RIOK1: variants seen among roughly 807,000 people sequenced by gnomAD.
The protein encoded by RIOK1 is serine/threonine-protein kinase RIO1.
In RIOK1, 66 loss-of-function variants were observed where a neutral mutation model predicts 73.5. The ratio of observed to expected loss-of-function variants is 0.90; its 90% CI spans 0.74 to 1.10. RIOK1 has a LOEUF of 1.10. Ranked by LOEUF, RIOK1 falls within the 50% of genes least tolerant of loss-of-function variation. RIOK1 has a pLI of 0.00. For synonymous variants in RIOK1, 224 were observed against 226.8 expected, an observed-to-expected ratio of 0.99 and a Z score of 0.11; for missense variants, 658 against 699.8, an observed-to-expected ratio of 0.94 and a Z score of 0.67.
intron 4 of RIOK1, 25 bp from the exon 5 acceptor site, chr6:7,398,673 A>G (rs775228807): frequency 6.2e-6 from 10 of 1,602,250 alleles, no homozygotes; most frequent in African/African-American, 1.3e-5. Flanking sequence ...GAATGTGTCA[A>G]CTATACGTTT....
chr6:7,400,103 G>T (rs1490931432), intron 5 of RIOK1, among the ~76,000 whole-genome samples: 1 of 152,172 alleles, frequency 6.6e-6, no homozygotes, highest in African/African-American at 2.4e-5. Context: ...ACTGCCTTCT[G>T]TTTGTTAGAG....
chr6:7,413,559 A>G (rs887897770), intron 15 of RIOK1, among the ~76,000 whole-genome samples: 7 of 152,242 alleles, frequency 4.6e-5, no homozygotes, highest in Non-Finnish European at 1.0e-4. Flanking sequence ...TTCTGTGGAA[A>G]GAATTGAATT....
rs569731211 is a variant in RIOK1, at chr6:7,414,002, C to G, written c.1444-236C>G. 1.8e-4 allele frequency among the ~76,000 whole-genome samples: 27 copies of G among 152,296 alleles called. No individual in the cohort carries two copies. The South Asian group carries it at 5.6e-3, about 32-fold the overall frequency. ...AGCTCTGTTGTTGATCTAGGTCACG[C>G]AGTAAAGCCCTGGTTCCTTCATTTG... On this transcript the variant is annotated intron_variant, in intron 15 of 16. Transcript: ENST00000379834.
intron 4 of RIOK1, 31 bp from the exon 5 acceptor site, chr6:7,398,667 G>A: frequency 6.3e-7 from 1 of 1,589,758 alleles, no homozygotes; most frequent in Non-Finnish European, 8.6e-7. Flanking sequence ...AATTTTGAAT[G>A]TGTCAACTAT....
intron 5 of RIOK1, among the ~76,000 whole-genome samples, chr6:7,400,357 T>G (rs565131387): frequency 2.6e-5 from 4 of 152,288 alleles, no homozygotes; most frequent in African/African-American, 4.8e-5. Context: ...TCTGATTTGG[T>G]CCATGGGCCG....
chr6:7,396,797 A>G (rs756403263), intron 4 of RIOK1, 25 bp downstream of exon 4: 4 of 1,270,886 alleles, frequency 3.1e-6, no homozygotes, highest in Non-Finnish European at 4.6e-6. Context: ...AATAATATGC[A>G]TGGGTGATAA....
chr6:7,411,611 C>T (rs1466506148), intron 14 of RIOK1, 160 bp downstream of exon 14: 5 of 663,572 alleles, frequency 7.5e-6, no homozygotes, highest in East Asian at 3.0e-5. Flanking sequence ...GCACATTGAA[C>T]GCAAAGGGAA....
chr6:7,390,761 C>G (rs1309958766), intron 1 of RIOK1, among the ~76,000 whole-genome samples: 1 of 152,162 alleles, frequency 6.6e-6, no homozygotes, highest in Non-Finnish European at 1.5e-5. Context: ...TCATGGAGAC[C>G]TTTACAAGTG....
At position 7,398,704 on chromosome 6, in the gene RIOK1, C is replaced by T. The variant is rs768072503; in HGVS notation, c.444C>T (p.Arg148=). ...KSRQKEADMY[R]IKDKADRATV... ...CGTTTTTGTTTTTGGTTAGGTATCG[C>T]ATCAAAGATAAGGCAGACAGAGCAA... is the stretch of plus-strand genomic sequence containing the variant. Residue 148 remains arginine, a synonymous_variant, in exon 5 of 17, where the codon CGC becomes CGT. Transcript: ENST00000379834. 3 of 1,612,656 alleles carry T rather than the reference C, an allele frequency of 1.9e-6. No homozygotes were observed. The highest frequency in any genetic ancestry group is 2.2e-5 in the East Asian group (1 of 44,810).
intron 5 of RIOK1, among the ~76,000 whole-genome samples, chr6:7,399,002 C>G (rs1761546679): frequency 6.6e-6 from 1 of 152,120 alleles, no homozygotes; most frequent in African/African-American, 2.4e-5. Context: ...GATTATCAGA[C>G]CAGCAATCTT....
At chr6:7,416,542 G>A (rs545681866) in intron 16 of RIOK1, among the ~76,000 whole-genome samples, 235 of 152,004 alleles carry the variant, frequency 1.5e-3, no homozygotes, top group Middle Eastern at 0.014. Context: ...CAGCTCCTTG[G>A]GAGGCTGAGG....
In RIOK1 at chr6:7,400,149, T is replaced by C. The variant is rs74767076; in HGVS notation, c.481-809T>C. Among the ~76,000 whole-genome samples, 1,469 of 152,334 alleles carry C rather than the reference T, an allele frequency of 9.6e-3. 21 individuals carry two copies. The highest frequency in any genetic ancestry group is 0.034 in the African/African-American group (1,404 of 41,568). ...AATCCATTTTACTCAAGATTGATTA[T>C]TCTGGCTTGAAGGAAATGCTTACCG... On this transcript the variant is annotated intron_variant, in intron 5 of 16. Coordinates refer to ENST00000379834, the MANE Select transcript of RIOK1 (RefSeq NM_031480.3).
In RIOK1 at chr6:7,417,536, C is replaced by T. The variant is rs1357925065; in HGVS notation, c.*95C>T. 3 of 729,860 alleles carry T rather than the reference C, an allele frequency of 4.1e-6. No individual in the cohort carries two copies. Among genetic ancestry groups the T allele is most frequent in the Middle Eastern group, 2.4e-4 (1 of 4,146 alleles). The allele number at this position is 729,860 out of a possible 1,614,324, so 45.2% of individuals were successfully genotyped here. A position where few individuals can be genotyped will look rare whatever the true frequency, so the allele number is the denominator to read the frequency against. ...TGGAAGATGGCTTATTGGTTTTAACCAGATTGTCATCGTGGCACTGTCTGT... is the reference window on the plus strand; with the variant it reads ...TGGAAGATGGCTTATTGGTTTTAACTAGATTGTCATCGTGGCACTGTCTGT... On this transcript the variant is annotated 3_prime_UTR_variant, in exon 17 of 17. Transcript: ENST00000379834.
chr6:7,417,382 A>T lies in RIOK1; in HGVS notation c.1648A>T (p.Ile550Phe). The T allele has an allele frequency of 6.4e-7, 1 of 1,569,076 alleles. No individual in the cohort carries two copies. Among genetic ancestry groups the T allele is most frequent in the Non-Finnish European group, 8.6e-7 (1 of 1,157,092 alleles). The change falls in exon 17 of 17, where the codon ATT (isoleucine) becomes TTT (phenylalanine). Residue 550 changes from isoleucine (I) to phenylalanine (F), a missense_variant. By Grantham distance (21) the Ile-to-Phe change is conservative. Coordinates refer to ENST00000379834, the MANE Select transcript of RIOK1 (RefSeq NM_031480.3). Reference protein sequence around the residue: ...EAQREKRKNKIPKHVKKRKEK... With the variant: ...EAQREKRKNKFPKHVKKRKEK... ...CCAGAGAGAGAAAAGAAAAAACAAA[A>T]TTCCTAAACATGTGAAAAAAAGAAA...
chr6:7,412,704 C>T (rs1426960381), intron 14 of RIOK1, among the ~76,000 whole-genome samples, 185 bp from the exon 15 acceptor site: 1 of 150,872 alleles, frequency 6.6e-6, no homozygotes, highest in Non-Finnish European at 1.5e-5. Flanking sequence ...GCCAGTAGAT[C>T]TGGTAGACAG....
chr6:7,415,555 T>C (rs757026989), intron 16 of RIOK1, among the ~76,000 whole-genome samples: 1 of 152,180 alleles, frequency 6.6e-6, no homozygotes, highest in Non-Finnish European at 1.5e-5. Flanking sequence ...TGATAACTGC[T>C]TAGTTAAGAT....
chr6:7,412,912 A>T lies in RIOK1; in HGVS notation c.1413A>T (p.Gly471=), dbSNP rs2113529670. ...AGATTCTATACCAGACTGTTACAGG[A>T]TTGAAGAAAGATTTGTCAGGAGTTC... ...QDNILYQTVT[G]LKKDLSGVQK... is the part of the protein sequence containing the mutation. The change falls in exon 15 of 17, where the codon GGA becomes GGT. Residue 471 remains glycine (G), a synonymous_variant. Transcript: ENST00000379834. 6.4e-7 allele frequency: 1 copy of T among 1,555,020 alleles called. No homozygotes were observed. The highest frequency in any genetic ancestry group is 2.1e-5 in the Admixed American group (1 of 46,996).
At position 7,417,433 on chromosome 6, in the gene RIOK1, G is replaced by A. The variant is rs747674048; in HGVS notation, c.1699G>A (p.Gly567Ser). Residue 567 changes from glycine (G) to serine (S), a missense_variant, in exon 17 of 17, where the codon GGC (glycine) becomes AGC (serine). Gly to Ser is a moderately conservative substitution (Grantham distance 56). Coordinates refer to ENST00000379834, the MANE Select transcript of RIOK1 (RefSeq NM_031480.3). Reference protein sequence around the residue: ...RKEKTAKTKKGK With the variant: ...RKEKTAKTKKSK ...GGAGAAGACAGCCAAGACGAAAAAA[G>A]GCAAATAGAATGAGAACCATATTAT... 6.5e-7 allele frequency: 1 copy of A among 1,539,626 alleles called. No individual in the cohort carries two copies. The highest frequency in any genetic ancestry group is 1.2e-5 in the South Asian group (1 of 80,458).
At chr6:7,390,908 G>C (rs1761318303) in intron 1 of RIOK1, among the ~76,000 whole-genome samples, 1 of 152,180 alleles carries the variant, frequency 6.6e-6, no homozygotes, top group Admixed American at 6.5e-5. Flanking sequence ...GAGGGTGGGA[G>C]TGGAACAGAG....
Sources: allele counts gnomAD v4.1 joint callset (sites outside exome capture counted in the v4.1 genomes callset), GRCh38; gene constraint gnomAD v4.1.1; transcripts MANE v1.5; gene names NCBI Gene and HGNC (gene_info 2026-07-23, HGNC 2026-07-21).